Variants in CDH23 observed in about 807,000 individuals in gnomAD.
The protein encoded by CDH23 is cadherin-23.
In CDH23, 189 loss-of-function variants were observed where a neutral mutation model predicts 317.1. That is an observed-to-expected ratio of 0.60 (90% CI 0.53 to 0.67). The LOEUF (loss-of-function observed/expected upper bound fraction) is 0.67. Ranked by LOEUF, CDH23 falls within the 30% of genes least tolerant of loss-of-function variation. CDH23 has a pLI of 0.00. For missense variants in CDH23, 4,401 were observed against 4,592.4 expected (o/e 0.96, Z 1.20); for synonymous variants, 1,839 against 1,876.8 (o/e 0.98, Z 0.52).
chr10:71,577,122 T>G (rs67332926), intron 8 of CDH23, among the ~76,000 whole-genome samples: 8,978 of 152,290 alleles, frequency 0.059, 372 homozygotes, highest in Non-Finnish European at 0.089. Context: ...TTTCTCCATG[T>G]GAGCCATATG....
intron 3 of CDH23, among the ~76,000 whole-genome samples, chr10:71,462,173 G>A (rs951845312): frequency 2.0e-5 from 3 of 152,232 alleles, no homozygotes; most frequent in Non-Finnish European, 2.9e-5. Context: ...CATGGGGGAA[G>A]GCAGGCCCGG....
At chr10:71,431,789 AGGCGTTGCCTGTT>A (rs1408564813) in intron 1 of CDH23, among the ~76,000 whole-genome samples, 1 of 152,006 alleles carries the variant, frequency 6.6e-6, no homozygotes, top group African/African-American at 2.4e-5. Flanking sequence ...CTAGGCCAGG[AGGCGTTGCCTGTT>A]GGCAGGCAGC....
rs1157558761 is a variant in CDH23, at chr10:71,566,833, C to G, written c.521C>G (p.Pro174Arg). 1.2e-6 allele frequency: 2 copies of G among 1,613,890 alleles called. No individual in the cohort carries two copies. The highest frequency in any genetic ancestry group is 1.7e-5 in the Admixed American group (1 of 60,008). The part of the protein sequence containing the change: ...GGSVLYSFQP[P>R]SQFFAIDSAR... ...AGCGTCCTCTACTCCTTCCAGCCCC[C>G]CTCCCAATTCTTCGCCATTGACAGC... Residue 174 changes from proline to arginine, a missense_variant, in exon 7 of 70, where the codon CCC becomes CGC. By Grantham distance (103) the Pro-to-Arg change is moderately radical. This residue lies in a region of CDH23 where 3,068 missense variants were observed against 3,203.3 expected (regional missense o/e 0.96). Coordinates refer to ENST00000224721, the MANE Select transcript of CDH23 (RefSeq NM_022124.6).
At chr10:71,573,729 C>A (rs1309165359) in intron 8 of CDH23, among the ~76,000 whole-genome samples, 3 of 152,262 alleles carry the variant, frequency 2.0e-5, no homozygotes, top group Non-Finnish European at 4.4e-5. Flanking sequence ...GTGCAGGTTT[C>A]AGCCCCACAG....
intron 38 of CDH23, chr10:71,752,933 C>T (rs780199822): frequency 1.0e-5 from 16 of 1,606,754 alleles, no homozygotes; most frequent in South Asian, 4.4e-5. Context: ...CCTGGATAGC[C>T]GGCCCAGGAA....
intron 6 of CDH23, among the ~76,000 whole-genome samples, chr10:71,542,709 C>A (rs1450140040): frequency 6.6e-6 from 1 of 152,244 alleles, no homozygotes; most frequent in African/African-American, 2.4e-5. Flanking sequence ...AGACTCCTGC[C>A]TCCACAGCCT....
chr10:71,687,894 T>C (rs1864973670), intron 19 of CDH23, among the ~76,000 whole-genome samples, 175 bp downstream of exon 19: 1 of 152,216 alleles, frequency 6.6e-6, no homozygotes, highest in Non-Finnish European at 1.5e-5. Flanking sequence ...TCTAGTTACC[T>C]GCCAGCTAAC....
intron 14 of CDH23, among the ~76,000 whole-genome samples, chr10:71,650,533 T>C (rs1863118158): frequency 6.6e-6 from 1 of 152,148 alleles, no homozygotes; most frequent in Non-Finnish European, 1.5e-5. Flanking sequence ...TACTCAGAGG[T>C]ATGTGTATGT....
At chr10:71,706,012 T>G (rs1272646162) in intron 25 of CDH23, among the ~76,000 whole-genome samples, 1 of 152,160 alleles carries the variant, frequency 6.6e-6, no homozygotes, top group East Asian at 1.9e-4. Flanking sequence ...GGGTTTCTGT[T>G]GCCAGTTTCA....
At chr10:71,694,373 A>G (rs1865296941) in intron 21 of CDH23, 114 bp downstream of exon 21, 1 of 798,158 alleles carries the variant, frequency 1.3e-6, no homozygotes, top group Non-Finnish European at 2.0e-6. Flanking sequence ...TGTGAGAATG[A>G]GCAAGGGGGC....
chr10:71,518,496 T>A (rs1265300267), intron 6 of CDH23, among the ~76,000 whole-genome samples: 1 of 152,212 alleles, frequency 6.6e-6, no homozygotes, highest in African/African-American at 2.4e-5. Flanking sequence ...AGCTCACTGC[T>A]GGCTGTCTGC....
intron 11 of CDH23, among the ~76,000 whole-genome samples, chr10:71,637,386 A>G (rs567726848): frequency 7.2e-5 from 11 of 152,260 alleles, no homozygotes; most frequent in African/African-American, 2.6e-4. Flanking sequence ...TACTCCTAGA[A>G]CAATAATAAT....
chr10:71,634,118 C>CCTCCCTG (rs1381889605), intron 11 of CDH23, among the ~76,000 whole-genome samples: 1 of 152,234 alleles, frequency 6.6e-6, no homozygotes, highest in Admixed American at 6.5e-5. Flanking sequence ...GCACCCTGGC[C>CCTCCCTG]CTCCCTGCTC....
At chr10:71,488,763 T>C (rs1852488948) in intron 3 of CDH23, among the ~76,000 whole-genome samples, 1 of 152,258 alleles carries the variant, frequency 6.6e-6, no homozygotes, top group Admixed American at 6.5e-5. Flanking sequence ...TTCATCTTTT[T>C]TTCCTACTTA....
chr10:71,520,207 T>C (rs2132228504), intron 6 of CDH23, among the ~76,000 whole-genome samples: 2 of 152,328 alleles, frequency 1.3e-5, no homozygotes, highest in Middle Eastern at 6.8e-3. Context: ...CGTGGACTGA[T>C]TGGCTGAAGT....
intron 8 of CDH23, 149 bp downstream of exon 8, chr10:71,571,067 C>A: frequency 1.2e-6 from 1 of 813,162 alleles, no homozygotes; most frequent in Non-Finnish European, 1.9e-6. Flanking sequence ...TGTTCTGGCA[C>A]AGCGAAACCC....
intron 38 of CDH23, among the ~76,000 whole-genome samples, chr10:71,764,612 G>A (rs1840483471): frequency 1.3e-5 from 2 of 152,160 alleles, no homozygotes; most frequent in Non-Finnish European, 2.9e-5. Context: ...GTCAGCTGGG[G>A]CTCAGTAGCA....
chr10:71,559,830 AGAG>A (rs1186246894), intron 6 of CDH23, among the ~76,000 whole-genome samples: 1 of 152,272 alleles, frequency 6.6e-6, no homozygotes, highest in African/African-American at 2.4e-5. Context: ...GGTAGAAAGA[AGAG>A]ATGTCGTCAA....
At chr10:71,604,648 C>T (rs930708802) in intron 9 of CDH23, among the ~76,000 whole-genome samples, 2 of 152,234 alleles carry the variant, frequency 1.3e-5, no homozygotes, top group Non-Finnish European at 1.5e-5. Context: ...ATGGTCCCAC[C>T]TCCACCCTTT....
Sources: allele counts gnomAD v4.1 joint callset (sites outside exome capture counted in the v4.1 genomes callset), GRCh38; gene constraint gnomAD v4.1.1; regional missense constraint gnomAD v4.1.1; transcripts MANE v1.5; gene names NCBI Gene and HGNC (gene_info 2026-07-23, HGNC 2026-07-21).